Variants in LYPD6B observed in about 807,000 individuals in gnomAD.
LYPD6B encodes the protein ly6/PLAUR domain-containing protein 6B.
In LYPD6B, 17 loss-of-function variants were observed where a neutral mutation model predicts 22.8. That is an observed-to-expected ratio of 0.75 (90% CI 0.51 to 1.12). The LOEUF is 1.12. Ranked by LOEUF, LYPD6B falls within the 50% of genes most tolerant of loss-of-function variation. The pLI is 0.00. For synonymous variants in LYPD6B, 106 were observed against 91.6 expected (o/e 1.16, Z -0.90); for missense variants, 221 against 258.3 (o/e 0.86, Z 0.99).
intron 1 of LYPD6B, among the ~76,000 whole-genome samples, chr2:149,081,642 T>C (rs1435052706): frequency 6.6e-6 from 1 of 152,112 alleles, no homozygotes; most frequent in Non-Finnish European, 1.5e-5. Flanking sequence ...ACAGAACGTA[T>C]CTGGATCAAG....
chr2:149,108,470 T>C (rs1346726578), intron 1 of LYPD6B, among the ~76,000 whole-genome samples: 1 of 152,226 alleles, frequency 6.6e-6, no homozygotes, highest in East Asian at 1.9e-4. Context: ...CTGAAATTCT[T>C]TGTTGCCCTC....
chr2:149,161,687 G>T (rs1200567092), intron 3 of LYPD6B, among the ~76,000 whole-genome samples: 1 of 152,140 alleles, frequency 6.6e-6, no homozygotes, highest in African/African-American at 2.4e-5. Flanking sequence ...CTCCCACTTT[G>T]CATCTGATGG....
intron 2 of LYPD6B, among the ~76,000 whole-genome samples, chr2:149,144,314 C>T (rs1575056980): frequency 6.6e-6 from 1 of 151,946 alleles, no homozygotes; most frequent in Non-Finnish European, 1.5e-5. Context: ...TGGGCACTGA[C>T]TTTTTTGGCA....
At chr2:149,144,700 T>C (rs1688905728) in intron 2 of LYPD6B, among the ~76,000 whole-genome samples, 2 of 152,108 alleles carry the variant, frequency 1.3e-5, no homozygotes, top group South Asian at 4.1e-4. Context: ...CCAAGACTAG[T>C]AGTATTTTGT....
intron 3 of LYPD6B, among the ~76,000 whole-genome samples, chr2:149,162,249 G>A (rs1690115306): frequency 6.6e-6 from 1 of 152,170 alleles, no homozygotes; most frequent in African/African-American, 2.4e-5. Context: ...TGTTCTTACT[G>A]TCTACCAGGC....
At chr2:149,057,562 T>G (rs1332511041) in intron 1 of LYPD6B, among the ~76,000 whole-genome samples, 3 of 152,050 alleles carry the variant, frequency 2.0e-5, no homozygotes, top group Admixed American at 2.0e-4. Context: ...AAGCGGTTTG[T>G]AAAGTCCCCT....
intron 1 of LYPD6B, among the ~76,000 whole-genome samples, chr2:149,120,383 A>ATATATATATTTTTTTTT (rs1327065975): frequency 2.1e-5 from 1 of 48,614 alleles, no homozygotes; most frequent in African/African-American, 1.1e-4. Flanking sequence ...ATATATATAT[A>ATATATATATTTTTTTTT]TTTTTTTTTT....
chr2:149,066,908 C>A (rs896728181), intron 1 of LYPD6B, among the ~76,000 whole-genome samples: 2 of 152,020 alleles, frequency 1.3e-5, no homozygotes, highest in Admixed American at 6.6e-5. Flanking sequence ...GATCTTGTCA[C>A]CCAGATAGTG....
intron 3 of LYPD6B, among the ~76,000 whole-genome samples, chr2:149,177,089 T>C (rs1575122523): frequency 6.6e-6 from 1 of 152,318 alleles, no homozygotes; most frequent in East Asian, 1.9e-4. Context: ...CAGTTATTAT[T>C]GTGGTGAACT....
At chr2:149,211,271 G>A (rs534862670) in intron 5 of LYPD6B, among the ~76,000 whole-genome samples, 31 of 152,270 alleles carry the variant, frequency 2.0e-4, no homozygotes, top group African/African-American at 6.0e-4. Context: ...ATTTGGGTGA[G>A]ACACAGACTC....
intron 1 of LYPD6B, among the ~76,000 whole-genome samples, chr2:149,057,764 G>A (rs1683873353): frequency 6.6e-6 from 1 of 152,174 alleles, no homozygotes; most frequent in African/African-American, 2.4e-5. Flanking sequence ...AGGAAAGGGG[G>A]TGGAAAGGGG....
At chr2:149,166,875 C>A (rs1690459734) in intron 3 of LYPD6B, among the ~76,000 whole-genome samples, 1 of 152,010 alleles carries the variant, frequency 6.6e-6, no homozygotes, top group East Asian at 1.9e-4. Flanking sequence ...CTGCAGACTG[C>A]CCCGCCCCTT....
At chr2:149,198,762 A>G (rs1692978587) in intron 3 of LYPD6B, among the ~76,000 whole-genome samples, 3 of 146,630 alleles carry the variant, frequency 2.0e-5, no homozygotes, top group Non-Finnish European at 1.5e-5. Flanking sequence ...CCTATGCTTG[A>G]TGAGATTTTT....
At chr2:149,110,832 G>A (rs1156564425) in intron 1 of LYPD6B, among the ~76,000 whole-genome samples, 1 of 152,136 alleles carries the variant, frequency 6.6e-6, no homozygotes, top group African/African-American at 2.4e-5. Flanking sequence ...TCTGTATCAG[G>A]TAGTAATATG....
chr2:149,113,382 A>T (rs975739909), intron 1 of LYPD6B, among the ~76,000 whole-genome samples: 1 of 152,162 alleles, frequency 6.6e-6, no homozygotes, highest in Non-Finnish European at 1.5e-5. Context: ...CTTGTGTTTT[A>T]TGATGGGGAA....
chr2:149,071,906 A>T (rs574893810), intron 1 of LYPD6B, among the ~76,000 whole-genome samples: 1 of 152,242 alleles, frequency 6.6e-6, no homozygotes, highest in African/African-American at 2.4e-5. Context: ...TGCTGGTAAC[A>T]TTCCTTTTCT....
chr2:149,040,724 A>G (rs573844525), intron 1 of LYPD6B, among the ~76,000 whole-genome samples: 1 of 152,206 alleles, frequency 6.6e-6, no homozygotes, highest in East Asian at 1.9e-4. Flanking sequence ...TCATTTTACT[A>G]TCTCTGTCTT....
intron 3 of LYPD6B, among the ~76,000 whole-genome samples, chr2:149,181,534 A>G (rs1179310561): frequency 6.6e-6 from 1 of 152,088 alleles, no homozygotes; most frequent in Non-Finnish European, 1.5e-5. Flanking sequence ...CCCACCTTCC[A>G]TCCCTTGAAC....
chr2:149,192,602 C>T (rs1206980424), intron 3 of LYPD6B, among the ~76,000 whole-genome samples: 1 of 152,042 alleles, frequency 6.6e-6, no homozygotes, highest in Non-Finnish European at 1.5e-5. Flanking sequence ...TTGTAACCTC[C>T]TCATCCCCAA....
Sources: allele counts gnomAD v4.1 joint callset (sites outside exome capture counted in the v4.1 genomes callset), GRCh38; gene constraint gnomAD v4.1.1; transcripts MANE v1.5; gene names NCBI Gene and HGNC (gene_info 2026-07-23, HGNC 2026-07-21).